Variants in GALNT17 observed in about 807,000 individuals in gnomAD.
The protein encoded by GALNT17 is UDP-GalNAc:polypeptide N-acetylgalactosaminyltransferase-like 3.
In GALNT17, 29 loss-of-function variants were observed where a neutral mutation model predicts 63.7. The ratio of observed to expected loss-of-function variants is 0.46; its 90% CI spans 0.34 to 0.62. The LOEUF is 0.62. Ranked by LOEUF, GALNT17 falls within the 20% of genes least tolerant of loss-of-function variation. GALNT17 has a pLI of 0.01. For missense variants in GALNT17, 603 were observed against 799.6 expected, an observed-to-expected ratio of 0.75 and a Z score of 2.97; for synonymous variants, 305 against 318.3, an observed-to-expected ratio of 0.96 and a Z score of 0.45.
chr7:71,520,108 T>C (rs1464000178), intron 5 of GALNT17, among the ~76,000 whole-genome samples: 1 of 152,148 alleles, frequency 6.6e-6, no homozygotes, highest in Non-Finnish European at 1.5e-5. Context: ...TCCATACAGA[T>C]ATGTAATTGT....
At chr7:71,441,149 A>C (rs536911910) in intron 5 of GALNT17, among the ~76,000 whole-genome samples, 1 of 152,036 alleles carries the variant, frequency 6.6e-6, no homozygotes, top group Admixed American at 6.5e-5. Context: ...CAGCCTCACA[A>C]GTAGCTGGGA....
chr7:71,661,375 A>G (rs1440645864), intron 6 of GALNT17, among the ~76,000 whole-genome samples: 1 of 152,048 alleles, frequency 6.6e-6, no homozygotes, highest in Non-Finnish European at 1.5e-5. Context: ...GCTTTCTGTC[A>G]TTACTGGACT....
chr7:71,712,194 T>TC lies in GALNT17; in HGVS notation c.*54dup. ...AGCCTGGCCCCCAGGACATGGCTGCTCCCCCCAACATCTGGACCAGCTGCC... is the reference window on the plus strand; with the variant it reads ...AGCCTGGCCCCCAGGACATGGCTGCTCCCCCCCAACATCTGGACCAGCTGCC... On this transcript the variant is annotated 3_prime_UTR_variant, in exon 11 of 11. Coordinates refer to ENST00000333538, the MANE Select transcript of GALNT17 (RefSeq NM_022479.3). The TC allele has an allele frequency of 6.3e-7, 1 of 1,585,872 alleles. No homozygotes were observed.
chr7:71,382,049 G>C (rs955945774), intron 2 of GALNT17, among the ~76,000 whole-genome samples: 4 of 152,048 alleles, frequency 2.6e-5, no homozygotes, highest in African/African-American at 9.7e-5. Context: ...TGGACTGGAC[G>C]AACTTGAAAC....
At chr7:71,542,338 A>G (rs542860803) in intron 5 of GALNT17, among the ~76,000 whole-genome samples, 1 of 149,702 alleles carries the variant, frequency 6.7e-6, no homozygotes, top group African/African-American at 2.5e-5. Context: ...ATTGGAATTT[A>G]AAAAAAAAAC....
chr7:71,442,410 A>G (rs1447537691), intron 5 of GALNT17, among the ~76,000 whole-genome samples: 2 of 152,108 alleles, frequency 1.3e-5, no homozygotes, highest in Non-Finnish European at 1.5e-5. Flanking sequence ...CGTGTTAGCC[A>G]GGATGGTCTC....
intron 1 of GALNT17, among the ~76,000 whole-genome samples, chr7:71,181,829 A>T (rs1364825989): frequency 6.6e-6 from 1 of 151,352 alleles, no homozygotes; most frequent in Non-Finnish European, 1.5e-5. Context: ...GTGATCTGTG[A>T]TGGCACCATT....
intron 3 of GALNT17, among the ~76,000 whole-genome samples, chr7:71,397,805 C>A (rs1463487067): frequency 2.0e-5 from 3 of 152,164 alleles, no homozygotes; most frequent in Non-Finnish European, 2.9e-5. Flanking sequence ...AGAGAGACTG[C>A]AAGGAAGAGA....
rs975140442 is a variant in GALNT17 at position 71,483,680 on chromosome 7, T to C, written c.962+62575T>C. ...AAGCAATTCTTATACTAATTTATTCTTTTTAAAATCCCTTCTTCAGTGACA... is the reference window on the plus strand; with the variant it reads ...AAGCAATTCTTATACTAATTTATTCCTTTTAAAATCCCTTCTTCAGTGACA... On this transcript the variant is annotated intron_variant, in intron 5 of 10. Coordinates refer to ENST00000333538, the MANE Select transcript of GALNT17 (RefSeq NM_022479.3). Among the ~76,000 whole-genome samples, 6 of 152,104 alleles carry C rather than the reference T, an allele frequency of 3.9e-5. No individual in the cohort carries two copies. The East Asian group carries it at 1.2e-3, about 30-fold the overall frequency.
chr7:71,570,853 C>G (rs1272964649), intron 5 of GALNT17, among the ~76,000 whole-genome samples: 1 of 152,108 alleles, frequency 6.6e-6, no homozygotes, highest in Non-Finnish European at 1.5e-5. Flanking sequence ...GTGGCGCATC[C>G]TGTAATCCCA....
intron 2 of GALNT17, among the ~76,000 whole-genome samples, chr7:71,387,627 C>T (rs1030864072): frequency 6.6e-6 from 1 of 152,090 alleles, no homozygotes; most frequent in Admixed American, 6.5e-5. Context: ...CACCGTGTTC[C>T]GGGTGGTCCC....
At chr7:71,490,806 AGGAG>A (rs1399898072) in intron 5 of GALNT17, among the ~76,000 whole-genome samples, 1 of 152,188 alleles carries the variant, frequency 6.6e-6, no homozygotes, top group Non-Finnish European at 1.5e-5. Flanking sequence ...AGGCTGAGGC[AGGAG>A]GATCTCTTGA....
intron 9 of GALNT17, among the ~76,000 whole-genome samples, chr7:71,678,210 C>A (rs143156822): frequency 3.3e-5 from 5 of 151,810 alleles, no homozygotes; most frequent in Non-Finnish European, 5.9e-5. Flanking sequence ...GTGCAACCTC[C>A]GCCTTCTGGG....
At position 71,201,241 on chromosome 7, in the gene GALNT17, T is replaced by TATATATATATATATATATATA. The variant is rs1554338085; in HGVS notation, c.238+68201_238+68202insATATATATATATATATATATA. On this transcript the variant is annotated intron_variant, in intron 1 of 10. Transcript: ENST00000333538. ...TGTATGGGGGTGTGTGTGTTTATTT[T>TATATATATATATATATATATA]TATATATATATATATAATTTGTGTG... 6.3e-3 allele frequency among the ~76,000 whole-genome samples: 869 copies of TATATATATATATATATATATA among 138,274 alleles called. 7 individuals carry two copies. Among genetic ancestry groups the TATATATATATATATATATATA allele is most frequent in the Middle Eastern group, 0.011 (3 of 278 alleles). 90.7% of individuals were successfully genotyped at this position (138,274 alleles called of 152,430 possible). A position where few individuals can be genotyped will look rare whatever the true frequency, so the allele number is the denominator to read the frequency against.
chr7:71,219,649 A>C (rs1789547834), intron 1 of GALNT17, among the ~76,000 whole-genome samples: 1 of 151,992 alleles, frequency 6.6e-6, no homozygotes, highest in African/African-American at 2.4e-5. Flanking sequence ...TTGTTTAATG[A>C]ATATGGTATC....
At chr7:71,302,506 G>T (rs182003991) in intron 1 of GALNT17, among the ~76,000 whole-genome samples, 2 of 152,218 alleles carry the variant, frequency 1.3e-5, no homozygotes, top group Non-Finnish European at 2.9e-5. Flanking sequence ...GGACCTGAAA[G>T]ATACTAGCGT....
chr7:71,418,290 G>A (rs138549887), intron 4 of GALNT17, among the ~76,000 whole-genome samples: 2 of 152,212 alleles, frequency 1.3e-5, no homozygotes, highest in African/African-American at 4.8e-5. Context: ...ACTTCTACCC[G>A]GGTGGCATAG....
intron 1 of GALNT17, among the ~76,000 whole-genome samples, chr7:71,199,986 A>G (rs908983346): frequency 1.3e-5 from 2 of 152,192 alleles, no homozygotes; most frequent in Non-Finnish European, 2.9e-5. Context: ...AGTTAAATCC[A>G]TTAGATTAAT....
chr7:71,516,808 C>G (rs1483062230), intron 5 of GALNT17, among the ~76,000 whole-genome samples: 5 of 152,166 alleles, frequency 3.3e-5, no homozygotes, highest in African/African-American at 1.2e-4. Context: ...TGCTCTAACT[C>G]AAGATTTCTA....
Sources: allele counts gnomAD v4.1 joint callset (sites outside exome capture counted in the v4.1 genomes callset), GRCh38; gene constraint gnomAD v4.1.1; transcripts MANE v1.5; gene names NCBI Gene and HGNC (gene_info 2026-07-23, HGNC 2026-07-21).